The following TBCA variants were observed in gnomAD, a reference collection of about 807,000 sequenced individuals.
TBCA encodes the protein tubulin-specific chaperone A.
TBCA carries 6 observed loss-of-function variants against 15.8 expected under a neutral mutation model. That is an observed-to-expected ratio of 0.38 (90% CI 0.21 to 0.75). The LOEUF is 0.75. Ranked by LOEUF, TBCA falls within the 30% of genes least tolerant of loss-of-function variation. The pLI is 0.46. For synonymous variants in TBCA, 32 were observed against 42.3 expected, an observed-to-expected ratio of 0.76 and a Z score of 0.94; for missense variants, 90 against 131.2, an observed-to-expected ratio of 0.69 and a Z score of 1.53.
intron 1 of TBCA, among the ~76,000 whole-genome samples, chr5:77,742,005 T>C (rs1428496062): frequency 2.0e-5 from 3 of 152,220 alleles, no homozygotes; most frequent in Non-Finnish European, 4.4e-5. Context: ...GAATACGGTA[T>C]GTTTTATCAC....
chr5:77,769,427 T>C (rs1253599485), intron 1 of TBCA, among the ~76,000 whole-genome samples: 2 of 152,220 alleles, frequency 1.3e-5, no homozygotes, highest in Non-Finnish European at 2.9e-5. Flanking sequence ...AATATAAGTA[T>C]ATAAACAGCT....
At chr5:77,736,831 T>C (rs1461233430) in intron 1 of TBCA, among the ~76,000 whole-genome samples, 1 of 152,240 alleles carries the variant, frequency 6.6e-6, no homozygotes, top group Non-Finnish European at 1.5e-5. Context: ...CACAGAGCTA[T>C]ATAATGCTTT....
At chr5:77,710,158 T>A (rs1209963283) in intron 1 of TBCA, among the ~76,000 whole-genome samples, 1 of 152,162 alleles carries the variant, frequency 6.6e-6, no homozygotes, top group Non-Finnish European at 1.5e-5. Context: ...AATTGTATGG[T>A]ATGTGAATTA....
intron 1 of TBCA, among the ~76,000 whole-genome samples, chr5:77,761,032 G>A (rs1214430181): frequency 6.6e-6 from 1 of 151,486 alleles, no homozygotes; most frequent in Non-Finnish European, 1.5e-5. Context: ...CCTCTGCCCG[G>A]CTGCCGCCCC....
chr5:77,712,970 G>C (rs1369493262), intron 1 of TBCA, among the ~76,000 whole-genome samples: 3 of 152,064 alleles, frequency 2.0e-5, no homozygotes, highest in Non-Finnish European at 4.4e-5. Context: ...CTCAACATGT[G>C]TGTGTGAAAA....
intron 1 of TBCA, among the ~76,000 whole-genome samples, chr5:77,771,922 A>G (rs1747923768): frequency 6.6e-6 from 1 of 152,184 alleles, no homozygotes; most frequent in African/African-American, 2.4e-5. Context: ...GAGAAAATTG[A>G]AGGATTTGGG....
chr5:77,722,248 C>A (rs907651168), intron 1 of TBCA, among the ~76,000 whole-genome samples: 2 of 151,946 alleles, frequency 1.3e-5, no homozygotes, highest in African/African-American at 4.8e-5. Context: ...TGGGATTAAA[C>A]AAAGACACAG....
chr5:77,695,108 C>A (rs2652207), intron 2 of TBCA, among the ~76,000 whole-genome samples: 74,291 of 151,928 alleles, frequency 0.49, 18,311 homozygotes, highest in South Asian at 0.52. Flanking sequence ...GATGAAATGA[C>A]TAGGTCAAAT....
At chr5:77,720,180 C>T (rs955140958) in intron 1 of TBCA, among the ~76,000 whole-genome samples, 1 of 152,062 alleles carries the variant, frequency 6.6e-6, no homozygotes, top group African/African-American at 2.4e-5. Context: ...ACAACCTTTG[C>T]GGTATCGTTC....
intron 1 of TBCA, among the ~76,000 whole-genome samples, chr5:77,748,473 G>A (rs939887276): frequency 2.3e-5 from 3 of 132,890 alleles, no homozygotes; most frequent in African/African-American, 8.6e-5. Context: ...TCAGCTCTAC[G>A]ATTTAGTTTT....
intron 1 of TBCA, among the ~76,000 whole-genome samples, chr5:77,721,951 G>A (rs549584137): frequency 1.0e-3 from 153 of 152,098 alleles, no homozygotes; most frequent in African/African-American, 3.4e-3. Context: ...TTAAACAGGA[G>A]AATAGTATTG....
At chr5:77,776,085 G>A in intron 1 of TBCA, 120 bp downstream of exon 1, 1 of 1,268,898 alleles carries the variant, frequency 7.9e-7, no homozygotes, top group Non-Finnish European at 1.1e-6. Flanking sequence ...GCGGAGCCCC[G>A]GGTGCGGCCT....
At chr5:77,741,235 T>C (rs767302930) in intron 1 of TBCA, among the ~76,000 whole-genome samples, 6 of 151,952 alleles carry the variant, frequency 3.9e-5, no homozygotes, top group Admixed American at 1.3e-4. Flanking sequence ...GAGAGAGAAA[T>C]AGGATAGAGG....
At chr5:77,758,475 G>C (rs1203479958) in intron 1 of TBCA, among the ~76,000 whole-genome samples, 1 of 152,192 alleles carries the variant, frequency 6.6e-6, no homozygotes, top group African/African-American at 2.4e-5. Flanking sequence ...TTAGTGTTGT[G>C]AGCCCTTAAA....
chr5:77,715,204 A>T, intron 1 of TBCA: 2 of 695,146 alleles, frequency 2.9e-6, no homozygotes, highest in Non-Finnish European at 5.2e-6. Context: ...AAAATGTAAA[A>T]AGTTGATCTA....
At chr5:77,704,877 A>C (rs1746111908) in intron 2 of TBCA, among the ~76,000 whole-genome samples, 4 of 152,258 alleles carry the variant, frequency 2.6e-5, no homozygotes, top group Admixed American at 6.5e-5. Flanking sequence ...TTTCTGAATA[A>C]GTACTAAGTT....
intron 1 of TBCA, among the ~76,000 whole-genome samples, chr5:77,722,557 CATA>C (rs1340638758): frequency 1.3e-5 from 2 of 152,102 alleles, no homozygotes; most frequent in African/African-American, 4.8e-5. Flanking sequence ...AAAGGTTTCA[CATA>C]ATCACAGCTT....
At chr5:77,720,685 G>T (rs959727647) in intron 1 of TBCA, among the ~76,000 whole-genome samples, 1 of 152,136 alleles carries the variant, frequency 6.6e-6, no homozygotes, top group Non-Finnish European at 1.5e-5. Flanking sequence ...CTGCACTCCA[G>T]CCTGGGTCAG....
At chr5:77,752,562 C>T (rs1367564531) in intron 1 of TBCA, among the ~76,000 whole-genome samples, 1 of 48,004 alleles carries the variant, frequency 2.1e-5, no homozygotes, top group Admixed American at 2.6e-4. Flanking sequence ...TTTTGTTTTT[C>T]TTTTTTTGAG....
Sources: gnomAD v4.1 joint callset for allele counts (sites outside exome capture counted in the v4.1 genomes callset) on GRCh38, gnomAD v4.1.1 for gene constraint, MANE v1.5 for transcripts, NCBI Gene and HGNC (gene_info 2026-07-23, HGNC 2026-07-21) for gene names.